Variants in HERC1 observed in about 807,000 individuals in gnomAD.
HERC1 encodes the protein probable E3 ubiquitin-protein ligase HERC1.
A neutral mutation model predicts 554.3 loss-of-function variants in HERC1; 160 were observed. That is an observed-to-expected ratio of 0.29 (90% CI 0.25 to 0.33). The LOEUF (loss-of-function observed/expected upper bound fraction) is 0.33. Among genes scored for constraint, HERC1 ranks in the 10% least tolerant of loss-of-function variants. HERC1 has a pLI of 1.00. For synonymous variants in HERC1, 2,175 were observed against 2,131.7 expected (o/e 1.02, Z -0.56); for missense variants, 4,919 against 5,918.5 (o/e 0.83, Z 5.54).
In HERC1 at chr15:63,645,588, C is replaced by G. The variant is rs764828868; in HGVS notation, c.10973G>C (p.Gly3658Ala). 5 of 1,613,324 alleles carry G rather than the reference C, an allele frequency of 3.1e-6. No homozygotes were observed. The highest frequency in any genetic ancestry group is 4.2e-6 in the Non-Finnish European group (5 of 1,179,556). ...DSVKLWGSIS[G>A]CWCCLHSLCH... Reference sequence around the variant, plus strand: ...GAGTGAATGTAGACAGCACCAGCATCCCGAAATAGAGCCCCAGAGTTTCAC... The same window carrying G: ...GAGTGAATGTAGACAGCACCAGCATGCCGAAATAGAGCCCCAGAGTTTCAC... The change falls in exon 56 of 78, where the codon GGA (glycine) becomes GCA (alanine). Residue 3658 changes from glycine (G) to alanine (A), a missense_variant. By Grantham distance (60) the Gly-to-Ala change is moderately conservative. Transcript: ENST00000443617.
chr15:63,703,821 G>GAGCCTCAGTGGTGCAGGC, intron 25 of HERC1, among the ~76,000 whole-genome samples: 1 of 151,952 alleles, frequency 6.6e-6, no homozygotes, highest in African/African-American at 2.4e-5. Context: ...AGATGGGAGG[G>GAGCCTCAGTGGTGCAGGC]TCACTTGAGC....
chr15:63,714,532 T>C (rs1334472897), intron 22 of HERC1, among the ~76,000 whole-genome samples: 1 of 148,178 alleles, frequency 6.7e-6, no homozygotes, highest in East Asian at 1.9e-4. Flanking sequence ...ATTCTTCTTT[T>C]TTTCCTTTTT....
intron 1 of HERC1, among the ~76,000 whole-genome samples, chr15:63,796,287 G>C (rs2076810407): frequency 6.6e-6 from 1 of 152,136 alleles, no homozygotes; most frequent in Admixed American, 6.5e-5. Context: ...TACATCTTCT[G>C]CAACTTTTAA....
At chr15:63,730,263 T>A (rs2074234537) in intron 14 of HERC1, among the ~76,000 whole-genome samples, 1 of 151,804 alleles carries the variant, frequency 6.6e-6, no homozygotes, top group South Asian at 2.1e-4. Context: ...AAGACCAGCA[T>A]GGGCAACACA....
chr15:63,622,702 G>A (rs1397074755), intron 74 of HERC1, 113 bp downstream of exon 74: 2 of 688,846 alleles, frequency 2.9e-6, no homozygotes, highest in South Asian at 4.2e-5. Flanking sequence ...GGACTGAAGG[G>A]GATAATAGGT....
At chr15:63,622,179 G>C (rs911983531) in intron 74 of HERC1, among the ~76,000 whole-genome samples, 3 of 152,040 alleles carry the variant, frequency 2.0e-5, no homozygotes, top group African/African-American at 7.3e-5. Flanking sequence ...AATAAATTTT[G>C]GTGCAGAAAA....
chr15:63,628,524 C>A (rs2068405960), intron 70 of HERC1, among the ~76,000 whole-genome samples, 153 bp downstream of exon 70: 1 of 152,190 alleles, frequency 6.6e-6, no homozygotes, highest in Non-Finnish European at 1.5e-5. Context: ...GAAAATACTT[C>A]CAGTGCTAGT....
intron 6 of HERC1, 138 bp from the exon 7 acceptor site, chr15:63,754,786 A>T: frequency 1.2e-6 from 1 of 838,520 alleles, no homozygotes; most frequent in East Asian, 2.6e-5. Flanking sequence ...TGAAAAACAC[A>T]ATCATTTCTA....
chr15:63,751,732 C>T (rs943312307), intron 8 of HERC1, among the ~76,000 whole-genome samples: 1 of 151,992 alleles, frequency 6.6e-6, no homozygotes, highest in African/African-American at 2.4e-5. Context: ...ATTTTTTTCA[C>T]GCATATATAT....
intron 14 of HERC1, among the ~76,000 whole-genome samples, chr15:63,731,984 G>C (rs2074315614): frequency 6.6e-6 from 1 of 152,124 alleles, no homozygotes; most frequent in African/African-American, 2.4e-5. Context: ...CGATGATAAA[G>C]GGTCTGAAGG....
chr15:63,789,849 T>C, intron 1 of HERC1, among the ~76,000 whole-genome samples: 1 of 151,300 alleles, frequency 6.6e-6, no homozygotes, highest in East Asian at 1.9e-4. Flanking sequence ...TATTATATAT[T>C]CTAGACATTT....
chr15:63,669,819 G>A (rs2152960148), intron 39 of HERC1, 121 bp from the exon 40 acceptor site: 1 of 775,594 alleles, frequency 1.3e-6, no homozygotes, highest in South Asian at 1.9e-5. Flanking sequence ...ATAGTTTAAT[G>A]GAGGGTGGGG....
chr15:63,665,884 C>T (rs767213337), intron 42 of HERC1, 35 bp downstream of exon 42: 1 of 1,501,744 alleles, frequency 6.7e-7, no homozygotes, highest in Admixed American at 1.8e-5. Flanking sequence ...AAATTTATAA[C>T]ACATGGAACA....
chr15:63,615,763 C>G lies in HERC1; in HGVS notation c.14094+5G>C. The G allele has an allele frequency of 6.3e-7, 1 of 1,577,054 alleles. No individual in the cohort carries two copies. ...ATGTGTACCTCCCGAGATGTTTCAT[C>G]TCACCTGTCTGTCCATCTCATGAAG... On this transcript the variant is annotated splice_donor_5th_base_variant and intron_variant, in intron 76 of 77. Coordinates refer to ENST00000443617, the MANE Select transcript of HERC1 (RefSeq NM_003922.4).
chr15:63,625,803 T>C (rs2068278183), intron 71 of HERC1, 182 bp downstream of exon 71: 4 of 696,616 alleles, frequency 5.7e-6, no homozygotes, highest in Non-Finnish European at 1.0e-5. Flanking sequence ...TCCAGCAGCA[T>C]CATGTCCAAC....
chr15:63,720,463 C>T (rs895168607), intron 19 of HERC1, among the ~76,000 whole-genome samples: 9 of 152,090 alleles, frequency 5.9e-5, no homozygotes, highest in Admixed American at 1.3e-4. Context: ...ACAAAAAACA[C>T]GCTTGAAAAA....
intron 39 of HERC1, 150 bp downstream of exon 39, chr15:63,672,346 C>A: frequency 3.6e-6 from 2 of 563,138 alleles, no homozygotes; most frequent in Non-Finnish European, 6.1e-6. Flanking sequence ...TTTCCAAATT[C>A]AGTAAAATGA....
chr15:63,732,698 A>T (rs2074348042), intron 14 of HERC1, among the ~76,000 whole-genome samples: 1 of 152,242 alleles, frequency 6.6e-6, no homozygotes, highest in Admixed American at 6.5e-5. Context: ...ATTATTCTAC[A>T]ATATCAGAAA....
chr15:63,630,434 A>G (rs2068496545), intron 69 of HERC1, 32 bp downstream of exon 69: 3 of 1,590,674 alleles, frequency 1.9e-6, no homozygotes, highest in Non-Finnish European at 2.6e-6. Context: ...TTTCTAGAAT[A>G]TGAGAAAGCA....
Sources: gnomAD v4.1 joint callset for allele counts (sites outside exome capture counted in the v4.1 genomes callset) on GRCh38, gnomAD v4.1.1 for gene constraint, MANE v1.5 for transcripts, NCBI Gene and HGNC (gene_info 2026-07-23, HGNC 2026-07-21) for gene names.